The following GPM6A variants were observed in gnomAD, a reference collection of about 807,000 sequenced individuals.
GPM6A encodes the protein glycoprotein M6A, also known as neuronal membrane glycoprotein M6-a.
In GPM6A, 7 loss-of-function variants were observed where a neutral mutation model predicts 32.1. That is an observed-to-expected ratio of 0.22 (90% CI 0.12 to 0.41). GPM6A has a LOEUF of 0.41. Ranked by LOEUF, GPM6A falls within the 10% of genes least tolerant of loss-of-function variation. The probability of loss-of-function intolerance (pLI) is 1.00; values close to 1 mark genes in which losing one functional copy is unlikely to be tolerated. For missense variants in GPM6A, 235 were observed against 347.2 expected (o/e 0.68, Z 2.57); for synonymous variants, 130 against 123.4 (o/e 1.05, Z -0.35).
intron 1 of GPM6A, among the ~76,000 whole-genome samples, chr4:175,846,041 C>G (rs1242666445): frequency 6.6e-6 from 1 of 152,066 alleles, no homozygotes. Context: ...TAGTCACCCT[C>G]AAGTTCATAA....
chr4:175,798,193 AAAGTT>A (rs1388669755), intron 1 of GPM6A, among the ~76,000 whole-genome samples: 1 of 152,236 alleles, frequency 6.6e-6, no homozygotes, highest in East Asian at 1.9e-4. Context: ...ATTGCAAAGT[AAAGTT>A]AATAGTCACT....
intron 4 of GPM6A, among the ~76,000 whole-genome samples, chr4:175,645,876 G>A (rs553900019): frequency 2.0e-4 from 31 of 152,184 alleles, no homozygotes; most frequent in Non-Finnish European, 3.8e-4. Flanking sequence ...TATCATTTAC[G>A]TTGCTAATTT....
chr4:175,698,611 T>A (rs1295649572), intron 2 of GPM6A, among the ~76,000 whole-genome samples: 1 of 152,168 alleles, frequency 6.6e-6, no homozygotes, highest in Non-Finnish European at 1.5e-5. Context: ...ACAGTACATA[T>A]TTTCCCTCTG....
intron 1 of GPM6A, among the ~76,000 whole-genome samples, chr4:175,851,101 G>A (rs111576415): frequency 6.6e-6 from 1 of 152,054 alleles, no homozygotes; most frequent in South Asian, 2.1e-4. Flanking sequence ...GCTCATGCCT[G>A]TAATCCCAGC....
intron 2 of GPM6A, among the ~76,000 whole-genome samples, chr4:175,691,135 A>G (rs1193721175): frequency 1.3e-5 from 2 of 152,206 alleles, no homozygotes; most frequent in African/African-American, 4.8e-5. Flanking sequence ...TAGGAAAATT[A>G]AACTCTTACT....
At chr4:175,810,112 A>G (rs1734857143) in intron 1 of GPM6A, among the ~76,000 whole-genome samples, 1 of 152,158 alleles carries the variant, frequency 6.6e-6, no homozygotes, top group African/African-American at 2.4e-5. Flanking sequence ...AAGTCTCTCC[A>G]CCTAAACTCT....
At chr4:175,923,213 ATT>A (rs1270599280) in intron 1 of GPM6A, among the ~76,000 whole-genome samples, 3 of 24,594 alleles carry the variant, frequency 1.2e-4, no homozygotes, top group Admixed American at 9.3e-4. Context: ...TCATAACATG[ATT>A]TATATATATA....
intron 2 of GPM6A, among the ~76,000 whole-genome samples, chr4:175,688,291 C>T (rs187269342): frequency 7.2e-5 from 11 of 152,102 alleles, no homozygotes; most frequent in Non-Finnish European, 1.6e-4. Context: ...AAGGTATGAA[C>T]TTTTCTCCTA....
At chr4:175,832,146 T>A (rs1735637084) in intron 1 of GPM6A, among the ~76,000 whole-genome samples, 1 of 151,572 alleles carries the variant, frequency 6.6e-6, no homozygotes, top group African/African-American at 2.4e-5. Flanking sequence ...TTCTTAAAAT[T>A]CTGGCTCTCT....
chr4:175,955,245 G>A (rs1280089044), intron 1 of GPM6A, among the ~76,000 whole-genome samples: 1 of 152,192 alleles, frequency 6.6e-6, no homozygotes, highest in African/African-American at 2.4e-5. Context: ...GGGGTCCATG[G>A]GAGAAAGGAA....
At chr4:175,730,931 C>T (rs1731399956) in intron 1 of GPM6A, among the ~76,000 whole-genome samples, 1 of 152,142 alleles carries the variant, frequency 6.6e-6, no homozygotes, top group Admixed American at 6.5e-5. Context: ...TTTCTGGTCT[C>T]TTGGCATCTC....
At chr4:175,704,739 C>G (rs1247294397) in intron 1 of GPM6A, among the ~76,000 whole-genome samples, 1 of 152,106 alleles carries the variant, frequency 6.6e-6, no homozygotes, top group Non-Finnish European at 1.5e-5. Flanking sequence ...GAGATTTCTA[C>G]TGCAGACAAT....
At chr4:175,732,172 G>A (rs1440264744) in intron 1 of GPM6A, among the ~76,000 whole-genome samples, 1 of 151,224 alleles carries the variant, frequency 6.6e-6, no homozygotes, top group African/African-American at 2.4e-5. Context: ...TCACCATGTT[G>A]GCCAGGATGG....
chr4:175,818,960 C>A (rs951002622), intron 1 of GPM6A, among the ~76,000 whole-genome samples: 1 of 152,102 alleles, frequency 6.6e-6, no homozygotes, highest in Non-Finnish European at 1.5e-5. Flanking sequence ...ACTCTTTGGG[C>A]CAAACTTACC....
intron 1 of GPM6A, among the ~76,000 whole-genome samples, chr4:175,750,162 G>A (rs759051485): frequency 1.8e-4 from 28 of 152,102 alleles, no homozygotes; most frequent in Non-Finnish European, 3.4e-4. Flanking sequence ...AGGTTCAACC[G>A]ATTCTCCTGC....
At chr4:175,646,919 G>A (rs1437406091) in intron 4 of GPM6A, among the ~76,000 whole-genome samples, 1 of 152,156 alleles carries the variant, frequency 6.6e-6, no homozygotes, top group Non-Finnish European at 1.5e-5. Context: ...ACAGATTTGA[G>A]ACTGATCTCC....
chr4:175,979,570 G>T (rs888341777), intron 1 of GPM6A, among the ~76,000 whole-genome samples: 1 of 151,962 alleles, frequency 6.6e-6, no homozygotes, highest in African/African-American at 2.4e-5. Context: ...CCTGCATGTT[G>T]TGCACATGTA....
rs1740413295 is a variant in GPM6A, at chr4:175,633,502, A to G, written c.*1403T>C. The G allele has an allele frequency of 6.6e-6, 1 of 152,454 alleles. No homozygotes were observed. Among genetic ancestry groups the G allele is most frequent in the Non-Finnish European group, 1.5e-5 (1 of 67,908 alleles). The allele number at this position is 152,454 out of a possible 1,614,324, so 9.4% of individuals were successfully genotyped here. A position where few individuals can be genotyped will look rare whatever the true frequency, so the allele number is the denominator to read the frequency against. ...CAGTTACACTGAGAAAGGATTTCAC[A>G]ATGGTCAAATCAGTGCACAATACTA... On this transcript the variant is annotated 3_prime_UTR_variant, in exon 7 of 7. Transcript: ENST00000393658.
chr4:175,971,782 A>C (rs1035712012), intron 1 of GPM6A: 1 of 152,212 alleles, frequency 6.6e-6, no homozygotes, highest in African/African-American at 2.4e-5. Flanking sequence ...AGTACGATAG[A>C]GATGTTGAAA....
Sources: gnomAD v4.1 joint callset for allele counts (sites outside exome capture counted in the v4.1 genomes callset) on GRCh38, gnomAD v4.1.1 for gene constraint, MANE v1.5 for transcripts, NCBI Gene and HGNC (gene_info 2026-07-23, HGNC 2026-07-21) for gene names.